The following RREB1 variants were observed in gnomAD, a reference collection of about 807,000 sequenced individuals.
The protein encoded by RREB1 is ras-responsive element-binding protein 1.
Under a neutral mutation model 117.8 loss-of-function variants are expected in RREB1, and 27 were observed. The ratio of observed to expected loss-of-function variants is 0.23; its 90% CI spans 0.17 to 0.32. The LOEUF is 0.32. RREB1 is among the 10% of genes least tolerant of loss of function. The pLI is 1.00. For synonymous variants in RREB1, 1,298 were observed against 1,026.7 expected (o/e 1.26, Z -5.05); for missense variants, 2,577 against 2,378.2 (o/e 1.08, Z -1.74).
chr6:7,222,922 T>A (rs544881524), intron 8 of RREB1, among the ~76,000 whole-genome samples: 51 of 152,258 alleles, frequency 3.3e-4, no homozygotes, highest in African/African-American at 1.2e-3. Flanking sequence ...ACACTAAATA[T>A]TCATAACCAA....
chr6:7,165,754 C>T (rs1024026939), intron 1 of RREB1, among the ~76,000 whole-genome samples: 11 of 152,124 alleles, frequency 7.2e-5, no homozygotes, highest in African/African-American at 2.7e-4. Context: ...CTTAGTTGTG[C>T]TTCTGGTGTT....
At chr6:7,109,012 CT>C (rs1440581952) in intron 1 of RREB1, among the ~76,000 whole-genome samples, 1 of 140,678 alleles carries the variant, frequency 7.1e-6, no homozygotes, top group East Asian at 2.5e-4. Context: ...TGGAGCTAGC[CT>C]GCCTCGCGGG....
chr6:7,245,118 G>A (rs983124912), intron 11 of RREB1, among the ~76,000 whole-genome samples: 16 of 152,202 alleles, frequency 1.1e-4, no homozygotes, highest in East Asian at 1.9e-4. Flanking sequence ...GACAGTGGCC[G>A]GGCACGGTGG....
intron 1 of RREB1, among the ~76,000 whole-genome samples, chr6:7,138,566 A>T (rs942363813): frequency 1.3e-5 from 2 of 152,242 alleles, no homozygotes; most frequent in Admixed American, 1.3e-4. Context: ...GGTGGTTGTT[A>T]TCCAAAGCTC....
chr6:7,171,066 C>T (rs555418308), intron 1 of RREB1, among the ~76,000 whole-genome samples: 5 of 152,150 alleles, frequency 3.3e-5, no homozygotes, highest in Non-Finnish European at 4.4e-5. Flanking sequence ...CTCCCTGCCT[C>T]GTGTTGGTGG....
chr6:7,230,817 C>T lies in RREB1; in HGVS notation c.2718C>T (p.Gly906=), dbSNP rs369214594. ...AGCCCCTGGACTTCTCGCAGAAGGG[C>T]CTGGCCCTGGTCCAAGTGAAGCAGG... The part of the protein sequence containing the change: ...FNEPLDFSQK[G]LALVQVKQEN... The change falls in exon 10 of 13, where the codon GGC becomes GGT. Residue 906 remains glycine (G), a synonymous_variant. Coordinates refer to ENST00000379938, the MANE Select transcript of RREB1 (RefSeq NM_001003699.4). 6.2e-7 allele frequency: 1 copy of T among 1,614,110 alleles called. No individual in the cohort carries two copies. The highest frequency in any genetic ancestry group is 8.5e-7 in the Non-Finnish European group (1 of 1,180,040).
chr6:7,221,756 C>G (rs1310314632), intron 8 of RREB1, among the ~76,000 whole-genome samples: 1 of 152,166 alleles, frequency 6.6e-6, no homozygotes, highest in Admixed American at 6.5e-5. Context: ...AGAAAGAACA[C>G]TTTTCTCCCC....
chr6:7,200,283 T>TGTGTGTGTGTG (rs1491275718), intron 6 of RREB1, among the ~76,000 whole-genome samples: 16 of 93,944 alleles, frequency 1.7e-4, no homozygotes, highest in South Asian at 5.6e-4. Context: ...TGTGTGTGTA[T>TGTGTGTGTGTG]TTTTTTTTTT....
intron 1 of RREB1, among the ~76,000 whole-genome samples, chr6:7,119,066 T>C (rs906263458): frequency 6.6e-6 from 1 of 152,038 alleles, no homozygotes; most frequent in South Asian, 2.1e-4. Context: ...ATGGGAAAGA[T>C]AGTTGAAAGC....
At chr6:7,177,241 AAGG>A (rs1334802082) in intron 2 of RREB1, among the ~76,000 whole-genome samples, 12 of 150,858 alleles carry the variant, frequency 8.0e-5, no homozygotes, top group East Asian at 5.8e-4. Context: ...AAAAAAAAAA[AAGG>A]AGGAAAGAAA....
At chr6:7,167,040 A>G (rs1389964168) in intron 1 of RREB1, among the ~76,000 whole-genome samples, 1 of 152,146 alleles carries the variant, frequency 6.6e-6, no homozygotes, top group African/African-American at 2.4e-5. Flanking sequence ...TCTACCATAC[A>G]TTGTCATGGT....
chr6:7,241,316 C>T (rs149134139), intron 11 of RREB1, among the ~76,000 whole-genome samples: 2 of 152,198 alleles, frequency 1.3e-5, no homozygotes, highest in East Asian at 1.9e-4. Context: ...ACACTCCATC[C>T]GCTCGGACTG....
chr6:7,230,836 A>C lies in RREB1; in HGVS notation c.2737A>C (p.Lys913Gln), dbSNP rs1244741826. Residue 913 changes from lysine to glutamine, a missense_variant, in exon 10 of 13, where the codon AAG becomes CAG. Coordinates refer to ENST00000379938, the MANE Select transcript of RREB1 (RefSeq NM_001003699.4). ...GAAGGGCCTGGCCCTGGTCCAAGTG[A>C]AGCAGGAAAACATCTCCTTTCTGAG... ...SQKGLALVQV[K>Q]QENISFLSPS... is the part of the protein sequence containing the mutation. 6.2e-6 allele frequency: 10 copies of C among 1,614,064 alleles called. No individual in the cohort carries two copies. Among genetic ancestry groups the C allele is most frequent in the Non-Finnish European group, 8.5e-6 (10 of 1,180,020 alleles).
At chr6:7,237,919 A>AT (rs1768444279) in intron 10 of RREB1, among the ~76,000 whole-genome samples, 1 of 152,282 alleles carries the variant, frequency 6.6e-6, no homozygotes, top group South Asian at 2.1e-4. Context: ...ATTTAGCATT[A>AT]ATAGGGACCT....
At chr6:7,109,652 T>G (rs1483342982) in intron 1 of RREB1, among the ~76,000 whole-genome samples, 1 of 152,212 alleles carries the variant, frequency 6.6e-6, no homozygotes, top group African/African-American at 2.4e-5. Flanking sequence ...GGAAAGTATT[T>G]CTCCTTGCTC....
chr6:7,189,864 TG>T (rs2113556270), intron 6 of RREB1, among the ~76,000 whole-genome samples: 1 of 152,170 alleles, frequency 6.6e-6, no homozygotes, highest in East Asian at 1.9e-4. Context: ...CTCACTCAAG[TG>T]GGAGACAGTA....
chr6:7,134,893 A>G (rs905674028), intron 1 of RREB1, among the ~76,000 whole-genome samples: 1 of 152,220 alleles, frequency 6.6e-6, no homozygotes, highest in East Asian at 1.9e-4. Context: ...AGTTAGGAAG[A>G]TATATTTTCT....
rs189161926 is a variant in RREB1 at position 7,149,112 on chromosome 6, G to A, written c.-284-27543G>A. 1.8e-4 allele frequency among the ~76,000 whole-genome samples: 27 copies of A among 152,148 alleles called. No individual in the cohort carries two copies. In the East Asian group the frequency reaches 3.9e-3, roughly 22 times the overall value. On this transcript the variant is annotated intron_variant, in intron 1 of 12. Transcript: ENST00000379938. The stretch of plus-strand genomic sequence containing the variant: ...TAATTTTTGTATTTTTAGTAGAGTC[G>A]GGGTTTCACCATATTGGTCAGGCTG...
Position 7,110,106 on chromosome 6 carries a change from AT to A in RREB1, c.-285+2054del, listed in dbSNP as rs575723200. Among the ~76,000 whole-genome samples the A allele has an allele frequency of 2.2e-3, 334 of 151,940 alleles. 1 individual carries two copies. The highest frequency in any genetic ancestry group is 7.1e-3 in the African/African-American group (296 of 41,442). The stretch of plus-strand genomic sequence containing the variant: ...CTAGTGCATCTCCATTATTTTTGAT[AT>A]TTTTTTTCCCCTTTATATATGTAGT... On this transcript the variant is annotated intron_variant, in intron 1 of 12. Transcript: ENST00000379938.
Sources: allele counts gnomAD v4.1 joint callset (sites outside exome capture counted in the v4.1 genomes callset), GRCh38; gene constraint gnomAD v4.1.1; transcripts MANE v1.5; gene names NCBI Gene and HGNC (gene_info 2026-07-23, HGNC 2026-07-21).